The following SCYL2 variants were observed in gnomAD, a reference collection of about 807,000 sequenced individuals.
The protein encoded by SCYL2 is SCY1 like pseudokinase 2.
A neutral mutation model predicts 100.4 loss-of-function variants in SCYL2; 36 were observed. The observed-to-expected ratio is 0.36, with a 90% CI of 0.27 to 0.47. The LOEUF is 0.47. Ranked by LOEUF, SCYL2 falls within the 20% of genes least tolerant of loss-of-function variation. The pLI, the probability that SCYL2 is intolerant of heterozygous loss-of-function variation, is 1.00. For missense variants in SCYL2, 902 were observed against 1,083.9 expected (o/e 0.83, Z 2.36); for synonymous variants, 330 against 359.2 (o/e 0.92, Z 0.92).
chr12:100,329,123 G>C (rs58833365), intron 12 of SCYL2, 78 bp from the exon 13 acceptor site: 1 of 720,686 alleles, frequency 1.4e-6, no homozygotes, highest in Admixed American at 2.1e-5. Flanking sequence ...AAGGGATTTC[G>C]TATACATATA....
chr12:100,307,540 C>T (rs1274393587), intron 4 of SCYL2, among the ~76,000 whole-genome samples: 1 of 151,982 alleles, frequency 6.6e-6, no homozygotes, highest in Non-Finnish European at 1.5e-5. Flanking sequence ...CCATAAAAAC[C>T]CTAGAAGAAA....
intron 10 of SCYL2, among the ~76,000 whole-genome samples, chr12:100,322,230 G>C (rs1029541368): frequency 2.1e-4 from 31 of 149,900 alleles, no homozygotes; most frequent in Non-Finnish European, 4.3e-4. Flanking sequence ...AAAATTAGCC[G>C]GGCGTGGTGG....
intron 3 of SCYL2, among the ~76,000 whole-genome samples, chr12:100,292,234 C>T (rs142146593): frequency 8.5e-5 from 13 of 152,324 alleles, no homozygotes; most frequent in African/African-American, 2.4e-4. Flanking sequence ...CCTTTAGATA[C>T]GCTAGCTTTA....
At chr12:100,314,677 T>C (rs1442963700) in intron 8 of SCYL2, 63 bp downstream of exon 8, 2 of 1,400,680 alleles carry the variant, frequency 1.4e-6, no homozygotes, top group East Asian at 4.8e-5. Context: ...TATTTTGACT[T>C]ACTACCATAA....
At chr12:100,331,025 C>CTGGT (rs1952203198) in intron 13 of SCYL2, among the ~76,000 whole-genome samples, 1 of 151,834 alleles carries the variant, frequency 6.6e-6, no homozygotes, top group Non-Finnish European at 1.5e-5. Flanking sequence ...GACAGGTTTT[C>CTGGT]ACCATGTTCC....
rs766788604 is a variant in SCYL2 at position 100,338,789 on chromosome 12, G to A, written c.2407G>A (p.Val803Met). ...NFYSSPSTVG[V>M]TKMTLGTPPT... ...CTACAGTAGTCCAAGCACAGTTGGA[G>A]TGACCAAGATGACTCTGGGAACACC... Residue 803 changes from valine to methionine, a missense_variant, in exon 18 of 18, where the codon GTG (valine) becomes ATG (methionine). Transcript: ENST00000360820. 9 of 1,614,138 alleles carry A rather than the reference G, an allele frequency of 5.6e-6. No individual in the cohort carries two copies. The highest frequency in any genetic ancestry group is 1.7e-5 in the Admixed American group (1 of 60,022).
intron 1 of SCYL2, among the ~76,000 whole-genome samples, chr12:100,273,363 AT>A (rs2135793774): frequency 6.6e-6 from 1 of 152,222 alleles, no homozygotes; most frequent in Admixed American, 6.5e-5. Context: ...AACACTGTGC[AT>A]GTATATTCTG....
chr12:100,298,282 T>G, intron 4 of SCYL2, 107 bp downstream of exon 4: 1 of 806,052 alleles, frequency 1.2e-6, no homozygotes, highest in Non-Finnish European at 1.8e-6. Flanking sequence ...AACTTTTGGT[T>G]CTTGTTAGTA....
intron 8 of SCYL2, 96 bp from the exon 9 acceptor site, chr12:100,315,462 C>T: frequency 1.0e-6 from 1 of 981,360 alleles, no homozygotes; most frequent in Non-Finnish European, 1.4e-6. Context: ...GTCACGTTAC[C>T]TAAAGGGATT....
chr12:100,331,671 G>T (rs987847232), intron 13 of SCYL2, among the ~76,000 whole-genome samples: 1 of 151,980 alleles, frequency 6.6e-6, no homozygotes, highest in African/African-American at 2.4e-5. Flanking sequence ...GGGGTGGGGG[G>T]AGTGGCTATT....
intron 1 of SCYL2, among the ~76,000 whole-genome samples, chr12:100,281,230 T>C (rs1167453908): frequency 6.6e-6 from 1 of 151,996 alleles, no homozygotes; most frequent in Non-Finnish European, 1.5e-5. Context: ...GGTTTCTCCA[T>C]GTTTCCCAGG....
At position 100,313,505 on chromosome 12, in the gene SCYL2, G is replaced by A. The variant is rs377280953; in HGVS notation, c.936G>A (p.Pro312=). 1.0e-5 allele frequency: 16 copies of A among 1,604,366 alleles called. No homozygotes were observed. In the African/African-American group the frequency reaches 1.7e-4, roughly 17 times the overall value. ...EHVKLLLNVT[P]TVRPDADQMT... is the part of the protein sequence containing the mutation. ...TAAAGCTACTGTTAAATGTAACTCC[G>A]ACTGTAAGACCAGATGCAGATCAAA... Residue 312 remains proline, a synonymous_variant, in exon 7 of 18, where the codon CCG becomes CCA. Coordinates refer to ENST00000360820, the MANE Select transcript of SCYL2 (RefSeq NM_017988.6).
At chr12:100,304,894 A>T (rs1329517472) in intron 4 of SCYL2, among the ~76,000 whole-genome samples, 1 of 152,194 alleles carries the variant, frequency 6.6e-6, no homozygotes, top group Non-Finnish European at 1.5e-5. Context: ...ACAAAGATCA[A>T]AAAAGACAAA....
At chr12:100,288,539 A>G (rs2096306943) in intron 2 of SCYL2, among the ~76,000 whole-genome samples, 1 of 152,052 alleles carries the variant, frequency 6.6e-6, no homozygotes, top group Non-Finnish European at 1.5e-5. Flanking sequence ...TTTTATATAT[A>G]CTTAGAACAC....
chr12:100,328,319 A>G (rs751840412), intron 12 of SCYL2, among the ~76,000 whole-genome samples: 10 of 152,172 alleles, frequency 6.6e-5, no homozygotes, highest in Non-Finnish European at 1.2e-4. Flanking sequence ...CATAGTAGAA[A>G]TTTGAGCCCT....
At chr12:100,296,737 A>G (rs563651914) in intron 3 of SCYL2, 1 of 152,144 alleles carries the variant, frequency 6.6e-6, no homozygotes, top group East Asian at 1.9e-4. Flanking sequence ...GTAAGTCTAT[A>G]AGACAGTTTT....
chr12:100,267,200 C>A lies in SCYL2; in HGVS notation c.-621C>A. ...TTAGTCTTTTTCCCCCTCCCTTACTCTTCGTCCCCGGTCCCTCCCCTCCCC... is the reference window on the plus strand; with the variant it reads ...TTAGTCTTTTTCCCCCTCCCTTACTATTCGTCCCCGGTCCCTCCCCTCCCC... On this transcript the variant is annotated 5_prime_UTR_variant, in exon 1 of 18. Transcript: ENST00000360820. 1 of 1,066,880 alleles carries A rather than the reference C, an allele frequency of 9.4e-7. No homozygotes were observed. The highest frequency in any genetic ancestry group is 1.3e-6 in the Non-Finnish European group (1 of 751,372). 66.1% of individuals were successfully genotyped at this position (1,066,880 alleles called of 1,614,324 possible).
At chr12:100,328,407 A>G (rs1952163716) in intron 12 of SCYL2, among the ~76,000 whole-genome samples, 1 of 152,220 alleles carries the variant, frequency 6.6e-6, no homozygotes, top group Non-Finnish European at 1.5e-5. Context: ...GACTAACGTC[A>G]TTTTAGGATT....
intron 17 of SCYL2, among the ~76,000 whole-genome samples, chr12:100,338,004 T>G (rs552743192): frequency 3.2e-4 from 49 of 152,326 alleles, no homozygotes; most frequent in African/African-American, 1.2e-3. Flanking sequence ...GTAGAGAGTT[T>G]ACACTGTTAC....
Sources: gnomAD v4.1 joint callset for allele counts (sites outside exome capture counted in the v4.1 genomes callset) on GRCh38, gnomAD v4.1.1 for gene constraint, MANE v1.5 for transcripts, NCBI Gene and HGNC (gene_info 2026-07-23, HGNC 2026-07-21) for gene names.